ARL14EP: variants seen among roughly 807,000 people sequenced by gnomAD.
ARL14EP encodes ARF like GTPase 14 effector protein, also known as ARL14 effector protein.
Under a neutral mutation model 23.1 loss-of-function variants are expected in ARL14EP, and 12 were observed. The observed-to-expected ratio is 0.52, with a 90% CI of 0.33 to 0.84. The LOEUF is 0.84. ARL14EP is among the 40% of genes least tolerant of loss of function. The probability of loss-of-function intolerance (pLI) is 0.02; values close to 1 mark genes in which losing one functional copy is unlikely to be tolerated. For missense variants in ARL14EP, 253 were observed against 307.3 expected, an observed-to-expected ratio of 0.82 and a Z score of 1.32; for synonymous variants, 97 against 102.0, an observed-to-expected ratio of 0.95 and a Z score of 0.29.
At chr11:30,328,560 C>T (rs1947259476) in intron 1 of ARL14EP, 2 of 152,120 alleles carry the variant, frequency 1.3e-5, no homozygotes, top group African/African-American at 4.8e-5. Context: ...CTGTTTTTAC[C>T]AGCTTTAAAA....
In ARL14EP at chr11:30,331,326, T is replaced by A. The variant is rs1187618993; in HGVS notation, c.378T>A (p.Ser126Arg). The A allele has an allele frequency of 6.2e-7, 1 of 1,613,930 alleles. No homozygotes were observed. Among genetic ancestry groups the A allele is most frequent in the Non-Finnish European group, 8.5e-7 (1 of 1,179,870 alleles). The change falls in exon 2 of 4, where the codon AGT (serine) becomes AGA (arginine). Residue 126 changes from serine (S) to arginine (R), a missense_variant. Transcript: ENST00000282032. The part of the protein sequence containing the change: ...CPKCTQIING[S>R]VDVDTEDRQK... ...AATGCACACAGATAATCAATGGAAGTGTGGATGTTGATACTGAAGACCGCC... is the reference window on the plus strand; with the variant it reads ...AATGCACACAGATAATCAATGGAAGAGTGGATGTTGATACTGAAGACCGCC...
rs148699119 is a variant in ARL14EP at position 30,331,632 on chromosome 11, C to T, written c.426+258C>T. 2,301 of 1,318,652 alleles carry T rather than the reference C, an allele frequency of 1.7e-3. 4 individuals carry two copies. The highest frequency in any genetic ancestry group is 2.0e-3 in the Non-Finnish European group (2,094 of 1,033,956). 81.7% of individuals were successfully genotyped at this position (1,318,652 alleles called of 1,614,324 possible). ...CAAGCTACAACTTTTAGTGCGAAGA[C>T]TTTAGGAGTGGGTTTTAGAATATTC... On this transcript the variant is annotated intron_variant, in intron 2 of 3. Transcript: ENST00000282032.
At chr11:30,334,350 G>A (rs1026617626) in intron 3 of ARL14EP, among the ~76,000 whole-genome samples, 3 of 151,648 alleles carry the variant, frequency 2.0e-5, no homozygotes, top group African/African-American at 4.8e-5. Flanking sequence ...TGGGTAGCTG[G>A]GACTACAGGC....
At position 30,331,053 on chromosome 11, in the gene ARL14EP, A is replaced by G. The variant is rs1799219739; in HGVS notation, c.105A>G (p.Ser35=). ...HTGFKTLQEL[S]SNDMLLLQLR... is the part of the protein sequence containing the mutation. The stretch of plus-strand genomic sequence containing the variant: ...GTTTTAAGACTTTGCAAGAATTGTC[A>G]TCAAATGATATGCTTTTACTTCAAC... The change falls in exon 2 of 4, where the codon TCA becomes TCG. Residue 35 remains serine, a synonymous_variant. Coordinates refer to ENST00000282032, the MANE Select transcript of ARL14EP (RefSeq NM_152316.3). 6.2e-7 allele frequency: 1 copy of G among 1,613,950 alleles called. No homozygotes were observed. Among genetic ancestry groups the G allele is most frequent in the Non-Finnish European group, 8.5e-7 (1 of 1,179,826 alleles).
At position 30,330,880 on chromosome 11, in the gene ARL14EP, C is replaced by A; in HGVS notation, c.-63-6C>A. On this transcript the variant is annotated splice_polypyrimidine_tract_variant and splice_region_variant and intron_variant, in intron 1 of 3. Coordinates refer to ENST00000282032, the MANE Select transcript of ARL14EP (RefSeq NM_152316.3). ...CAAATTTGATTCTCTTTAATATTTT[C>A]TCTAGGGTGATCAGCCCATGACCTA... is the stretch of plus-strand genomic sequence containing the variant. 1.4e-6 allele frequency: 2 copies of A among 1,454,036 alleles called. No individual in the cohort carries two copies. The highest frequency in any genetic ancestry group is 1.7e-5 in the Admixed American group (1 of 57,386). The allele number at this position is 1,454,036 out of a possible 1,614,324, so 90.1% of individuals were successfully genotyped here. A position where few individuals can be genotyped will look rare whatever the true frequency, so the allele number is the denominator to read the frequency against.
rs36111177 is a variant in ARL14EP at position 30,334,208 on chromosome 11, C to CTTTTTTTTTTTTTT, written c.554+1227_554+1240dup. On this transcript the variant is annotated intron_variant, in intron 3 of 3. Transcript: ENST00000282032. ...CAGATTTTCAATGTAGACCAGCCTT[C>CTTTTTTTTTTTTTT]TTTTTTTTTTTTTTTTTTTTTTTTT... is the stretch of plus-strand genomic sequence containing the variant. Among the ~76,000 whole-genome samples, 45 of 86,034 alleles carry CTTTTTTTTTTTTTT rather than the reference C, an allele frequency of 5.2e-4. 1 individual carries two copies. The highest frequency in any genetic ancestry group is 2.2e-3 in the East Asian group (3 of 1,360). 56.4% of individuals were successfully genotyped at this position (86,034 alleles called of 152,430 possible).
chr11:30,331,175 G>C lies in ARL14EP; in HGVS notation c.227G>C (p.Cys76Ser). 1 of 1,613,902 alleles carries C rather than the reference G, an allele frequency of 6.2e-7. No homozygotes were observed. The highest frequency in any genetic ancestry group is 8.5e-7 in the Non-Finnish European group (1 of 1,179,832). ...TTTGAGGATTTACAGAAGTCATGTTGTGACCCATTTAACATACACAAGAAA... is the reference window on the plus strand; with the variant it reads ...TTTGAGGATTTACAGAAGTCATGTTCTGACCCATTTAACATACACAAGAAA... ...DRFEDLQKSCCDPFNIHKKLA... is the reference protein window; with the variant it reads ...DRFEDLQKSCSDPFNIHKKLA... The change falls in exon 2 of 4, where the codon TGT (cysteine) becomes TCT (serine). Residue 76 changes from cysteine (C) to serine (S), a missense_variant. Coordinates refer to ENST00000282032, the MANE Select transcript of ARL14EP (RefSeq NM_152316.3).
At chr11:30,332,753 G>A in intron 2 of ARL14EP, 113 bp from the exon 3 acceptor site, 4 of 1,321,484 alleles carry the variant, frequency 3.0e-6, no homozygotes, top group Non-Finnish European at 4.2e-6. Context: ...TCTTTTTTGT[G>A]TGTTCCAGAC....
chr11:30,333,567 C>T (rs908622396), intron 3 of ARL14EP, among the ~76,000 whole-genome samples: 142 of 152,172 alleles, frequency 9.3e-4, no homozygotes, highest in African/African-American at 3.3e-3. Flanking sequence ...TGAACTTAGT[C>T]GATAAATGCT....
chr11:30,325,376 T>C (rs1471125572), intron 1 of ARL14EP, among the ~76,000 whole-genome samples: 1 of 152,210 alleles, frequency 6.6e-6, no homozygotes, highest in Non-Finnish European at 1.5e-5. Context: ...TTCTTTTGCC[T>C]GGTCATAGGT....
At position 30,334,208 on chromosome 11, in the gene ARL14EP, CTTTTTTTTT is replaced by C. The variant is rs36111177; in HGVS notation, c.554+1232_554+1240del. Among the ~76,000 whole-genome samples, 32 of 86,042 alleles carry C rather than the reference CTTTTTTTTT, an allele frequency of 3.7e-4. 1 individual carries two copies. Among genetic ancestry groups the C allele is most frequent in the Middle Eastern group, 8.3e-3 (1 of 120 alleles). 56.4% of individuals were successfully genotyped at this position (86,042 alleles called of 152,430 possible). A position where few individuals can be genotyped will look rare whatever the true frequency, so the allele number is the denominator to read the frequency against. On this transcript the variant is annotated intron_variant, in intron 3 of 3. Transcript: ENST00000282032. ...CAGATTTTCAATGTAGACCAGCCTT[CTTTTTTTTT>C]TTTTTTTTTTTTTTTTGAGATGGAG...
Position 30,336,920 on chromosome 11 carries a change from T to C in ARL14EP, c.*125T>C. ...TAAAACCATCTCAGTGTGCCCTAATTTTTCATCTTGGGTGCTTTAAGATTC... is the reference window on the plus strand; with the variant it reads ...TAAAACCATCTCAGTGTGCCCTAATCTTTCATCTTGGGTGCTTTAAGATTC... On this transcript the variant is annotated 3_prime_UTR_variant, in exon 4 of 4. Transcript: ENST00000282032. The C allele has an allele frequency of 1.1e-6, 1 of 909,232 alleles. No homozygotes were observed. The highest frequency in any genetic ancestry group is 2.6e-5 in the East Asian group (1 of 38,056). 56.3% of individuals were successfully genotyped at this position (909,232 alleles called of 1,614,324 possible).
At chr11:30,332,790 GT>G in intron 2 of ARL14EP, 75 bp from the exon 3 acceptor site, 16 of 1,559,580 alleles carry the variant, frequency 1.0e-5, no homozygotes, top group Non-Finnish European at 1.4e-5. Flanking sequence ...GAATCGTCTG[GT>G]TTAACATTAA....
At chr11:30,327,215 G>A (rs1947242807) in intron 1 of ARL14EP, among the ~76,000 whole-genome samples, 1 of 152,134 alleles carries the variant, frequency 6.6e-6, no homozygotes, top group Non-Finnish European at 1.5e-5. Context: ...CAACTTCACT[G>A]GCACAAGTTA....
intron 1 of ARL14EP, among the ~76,000 whole-genome samples, chr11:30,324,083 C>G (rs1164139646): frequency 6.6e-6 from 1 of 152,136 alleles, no homozygotes. Flanking sequence ...ATGACAGGCA[C>G]AAAAAGTTCA....
At chr11:30,324,540 T>G (rs1444959844) in intron 1 of ARL14EP, among the ~76,000 whole-genome samples, 1 of 152,182 alleles carries the variant, frequency 6.6e-6, no homozygotes, top group East Asian at 1.9e-4. Flanking sequence ...GTTTTGCTGT[T>G]TTGTTAGTGG....
Position 30,331,143 on chromosome 11 carries a change from T to C in ARL14EP, c.195T>C (p.Ile65=). ...TICFHHVKIY[I]DRFEDLQKSC... is the part of the protein sequence containing the mutation. The stretch of plus-strand genomic sequence containing the variant: ...GCTTTCATCATGTAAAAATTTACAT[T>C]GACAGATTTGAGGATTTACAGAAGT... Residue 65 remains isoleucine (I), a synonymous_variant, in exon 2 of 4, where the codon ATT becomes ATC. Coordinates refer to ENST00000282032, the MANE Select transcript of ARL14EP (RefSeq NM_152316.3). 1.2e-5 allele frequency: 20 copies of C among 1,613,904 alleles called. No homozygotes were observed. The highest frequency in any genetic ancestry group is 1.7e-5 in the Non-Finnish European group (20 of 1,179,810).
chr11:30,337,436 A>C lies in ARL14EP; in HGVS notation c.*641A>C, dbSNP rs1257425016. On this transcript the variant is annotated 3_prime_UTR_variant, in exon 4 of 4. Transcript: ENST00000282032. The stretch of plus-strand genomic sequence containing the variant: ...AACTGGTCAACAAAGATGAAAGTGC[A>C]GCAAAGCAATGAAAAATGATAACAC... 6.6e-6 allele frequency: 1 copy of C among 152,420 alleles called. No homozygotes were observed. The highest frequency in any genetic ancestry group is 2.4e-5 in the African/African-American group (1 of 41,474). The allele number at this position is 152,420 out of a possible 1,614,324, so 9.4% of individuals were successfully genotyped here.
intron 3 of ARL14EP, among the ~76,000 whole-genome samples, chr11:30,335,772 A>G (rs1947326535): frequency 7.9e-6 from 1 of 126,278 alleles, no homozygotes; most frequent in Non-Finnish European, 1.7e-5. Flanking sequence ...ATATATATAT[A>G]TATATGTGTG....
Sources: gnomAD v4.1 joint callset for allele counts (sites outside exome capture counted in the v4.1 genomes callset) on GRCh38, gnomAD v4.1.1 for gene constraint, MANE v1.5 for transcripts, NCBI Gene and HGNC (gene_info 2026-07-23, HGNC 2026-07-21) for gene names.